The following CERK variants were observed in gnomAD, a reference collection of about 807,000 sequenced individuals.
The protein encoded by CERK is ceramide kinase.
Under a neutral mutation model 63.4 loss-of-function variants are expected in CERK, and 39 were observed. The observed-to-expected ratio is 0.61, with a 90% CI of 0.48 to 0.80. CERK has a LOEUF of 0.80. CERK is among the 30% of genes least tolerant of loss of function. CERK has a pLI of 0.00. For synonymous variants in CERK, 302 were observed against 280.0 expected, an observed-to-expected ratio of 1.08 and a Z score of -0.78; for missense variants, 670 against 714.1, an observed-to-expected ratio of 0.94 and a Z score of 0.70.
chr22:46,724,847 G>C (rs547735590), intron 1 of CERK, among the ~76,000 whole-genome samples: 70 of 152,116 alleles, frequency 4.6e-4, no homozygotes, highest in Non-Finnish European at 9.3e-4. Context: ...GTGAAACCCC[G>C]ACTCTACTAA....
intron 11 of CERK, among the ~76,000 whole-genome samples, chr22:46,691,028 T>C (rs902163095): frequency 1.4e-5 from 2 of 145,142 alleles, no homozygotes; most frequent in African/African-American, 5.1e-5. Flanking sequence ...TATGTATATA[T>C]ACACATACAC....
At chr22:46,690,741 CT>C (rs1255622900) in intron 11 of CERK, among the ~76,000 whole-genome samples, 2 of 152,204 alleles carry the variant, frequency 1.3e-5, no homozygotes, top group African/African-American at 2.4e-5. Flanking sequence ...TCTGCATAGG[CT>C]ACAGAAAGAT....
chr22:46,722,185 T>C (rs984174041), intron 1 of CERK, among the ~76,000 whole-genome samples: 4 of 152,100 alleles, frequency 2.6e-5, no homozygotes, highest in African/African-American at 9.7e-5. Context: ...TAAAATACCG[T>C]ATTTTTGCCG....
At chr22:46,708,027 G>A in intron 5 of CERK, 39 bp from the exon 6 acceptor site, 1 of 1,567,884 alleles carries the variant, frequency 6.4e-7, no homozygotes, top group Admixed American at 1.7e-5. Context: ...TCCTGCAGGT[G>A]CGGCCCTCTG....
chr22:46,687,155 C>T lies in CERK; in HGVS notation c.1593G>A (p.Pro531=), dbSNP rs199922113. ...CTTCTCAGCTGTGTGAGTCTGGCTT[C>T]GGATTCTCTTCAATTCCTCGTGCAA... ...RLFARGIEEN[P]KPDSHS The change falls in exon 13 of 13, where the codon CCG becomes CCA. Residue 531 remains proline (P), a synonymous_variant. Transcript: ENST00000216264. The T allele has an allele frequency of 3.5e-5, 56 of 1,614,188 alleles. No individual in the cohort carries two copies. In the Admixed American group the frequency reaches 4.2e-4, roughly 12 times the overall value.
chr22:46,719,346 C>A (rs2082881180), intron 3 of CERK, among the ~76,000 whole-genome samples: 1 of 151,926 alleles, frequency 6.6e-6, no homozygotes, highest in African/African-American at 2.4e-5. Flanking sequence ...ACTAACCCAC[C>A]AGGCTCCAGG....
In CERK at chr22:46,707,950, A is replaced by G. The variant is rs1306278388; in HGVS notation, c.608T>C (p.Val203Ala). ...CGTCCTCCCAATCAGACCGTGCAGC[A>G]CCTCGCTGAACATACCATCTCCGCC... ...CVGGDGMFSEVLHGLIGRTQR... is the reference protein window; with the variant it reads ...CVGGDGMFSEALHGLIGRTQR... Residue 203 changes from valine (V) to alanine (A), a missense_variant, in exon 6 of 13, where the codon GTG (valine) becomes GCG (alanine). By Grantham distance (64) the Val-to-Ala change is moderately conservative (BLOSUM62 0). Coordinates refer to ENST00000216264, the MANE Select transcript of CERK (RefSeq NM_022766.6). The G allele has an allele frequency of 2.5e-6, 4 of 1,612,814 alleles. No individual in the cohort carries two copies. Among genetic ancestry groups the G allele is most frequent in the African/African-American group, 2.7e-5 (2 of 74,892 alleles).
rs2082691769 is a variant in CERK, at chr22:46,684,934, C to T, written c.*2200G>A. 6.6e-6 allele frequency: 1 copy of T among 152,204 alleles called. No individual in the cohort carries two copies. Among genetic ancestry groups the T allele is most frequent in the African/African-American group, 2.4e-5 (1 of 41,446 alleles). 9.4% of individuals were successfully genotyped at this position (152,204 alleles called of 1,614,324 possible). On this transcript the variant is annotated 3_prime_UTR_variant, in exon 13 of 13. Transcript: ENST00000216264. ...TCAGCAGGTGGCTGGAGAGTATCAC[C>T]AGAGCCACTCAGGAACCAGCCATGC...
In CERK at chr22:46,738,164, C is replaced by T. The variant is rs2082985671; in HGVS notation, c.-16G>A. 3 of 1,164,998 alleles carry T rather than the reference C, an allele frequency of 2.6e-6. No individual in the cohort carries two copies. The highest frequency in any genetic ancestry group is 2.1e-6 in the Non-Finnish European group (2 of 946,970). 72.2% of individuals were successfully genotyped at this position (1,164,998 alleles called of 1,614,324 possible). A position where few individuals can be genotyped will look rare whatever the true frequency, so the allele number is the denominator to read the frequency against. Reference sequence around the variant, plus strand: ...TCGCCCCCATCTCCGCCGCCGGGCTCGTCCGCCAGGCTGGGGGCGCGCGGA... The same window carrying T: ...TCGCCCCCATCTCCGCCGCCGGGCTTGTCCGCCAGGCTGGGGGCGCGCGGA... On this transcript the variant is annotated 5_prime_UTR_variant, in exon 1 of 13. Coordinates refer to ENST00000216264, the MANE Select transcript of CERK (RefSeq NM_022766.6).
chr22:46,691,021 G>GTA (rs565877785), intron 11 of CERK, among the ~76,000 whole-genome samples: 1 of 142,308 alleles, frequency 7.0e-6, no homozygotes, highest in Non-Finnish European at 1.5e-5. Flanking sequence ...ACACATATAT[G>GTA]TATATATACA....
In CERK at chr22:46,712,176, T is replaced by A. The variant is rs1363526186; in HGVS notation, c.497A>T (p.Asp166Val). ...AACATAGAATTTGTTACCGATGATG[T>A]CAGTGGTGATGGAGGCTAAGGTGAA... ...PLFTLASITTDIIVTEHANQA... is the reference protein window; with the variant it reads ...PLFTLASITTVIIVTEHANQA... The change falls in exon 4 of 13, where the codon GAC (aspartate) becomes GTC (valine). Residue 166 changes from aspartate to valine, a missense_variant. Asp to Val is a radical substitution (Grantham distance 152, BLOSUM62 -3). Coordinates refer to ENST00000216264, the MANE Select transcript of CERK (RefSeq NM_022766.6). 6.2e-7 allele frequency: 1 copy of A among 1,614,184 alleles called. No homozygotes were observed.
chr22:46,690,244 T>C, intron 11 of CERK, 44 bp from the exon 12 acceptor site: 1 of 1,559,250 alleles, frequency 6.4e-7, no homozygotes, highest in Non-Finnish European at 8.8e-7. Context: ...CTAAACGTCA[T>C]CGTCTGGGTG....
At chr22:46,688,382 C>A (rs941830069) in intron 12 of CERK, among the ~76,000 whole-genome samples, 3 of 152,196 alleles carry the variant, frequency 2.0e-5, no homozygotes, top group South Asian at 2.1e-4. Context: ...AATACATACA[C>A]CAATATTAAA....
At chr22:46,732,808 C>T (rs889309215) in intron 1 of CERK, among the ~76,000 whole-genome samples, 1 of 152,134 alleles carries the variant, frequency 6.6e-6, no homozygotes, top group African/African-American at 2.4e-5. Context: ...GCATCCACTT[C>T]CGAATGTTTT....
intron 1 of CERK, among the ~76,000 whole-genome samples, chr22:46,722,828 C>A (rs1267733643): frequency 6.6e-6 from 1 of 152,198 alleles, no homozygotes; most frequent in Non-Finnish European, 1.5e-5. Context: ...CACGTGCGTC[C>A]TGCCAGAAGG....
At chr22:46,721,121 T>C in intron 1 of CERK, 106 bp from the exon 2 acceptor site, 3 of 759,306 alleles carry the variant, frequency 4.0e-6, no homozygotes, top group Admixed American at 1.9e-5. Context: ...ATATTCTCAT[T>C]AGAAATTCAG....
In CERK at chr22:46,711,168, T is replaced by A. The variant is rs1043803566; in HGVS notation, c.506-19A>T. 3.8e-6 allele frequency: 6 copies of A among 1,589,192 alleles called. No homozygotes were observed. In the East Asian group the frequency reaches 1.3e-4, roughly 36 times the overall value. On this transcript the variant is annotated intron_variant, in intron 4 of 12. Coordinates refer to ENST00000216264, the MANE Select transcript of CERK (RefSeq NM_022766.6). ...TCAGTAACTGTGGGGAAAAATTACA[T>A]CACACAGTTTATATTCACATCTGTG...
chr22:46,693,287 A>T, intron 10 of CERK, 140 bp downstream of exon 10: 1 of 685,240 alleles, frequency 1.5e-6, no homozygotes, highest in Non-Finnish European at 2.6e-6. Context: ...TGGGGCTAAG[A>T]AGAAATGGAT....
At chr22:46,707,399 C>T (rs2082818273) in intron 6 of CERK, among the ~76,000 whole-genome samples, 2 of 152,188 alleles carry the variant, frequency 1.3e-5, no homozygotes, top group Admixed American at 1.3e-4. Context: ...TCGGCTAGGT[C>T]CTGCCCTTGG....
Sources: gnomAD v4.1 joint callset for allele counts (sites outside exome capture counted in the v4.1 genomes callset) on GRCh38, gnomAD v4.1.1 for gene constraint, MANE v1.5 for transcripts, NCBI Gene and HGNC (gene_info 2026-07-23, HGNC 2026-07-21) for gene names.